GRXCR1: variants seen among roughly 807,000 people sequenced by gnomAD.
GRXCR1 encodes glutaredoxin domain-containing cysteine-rich protein 1.
A neutral mutation model predicts 27.3 loss-of-function variants in GRXCR1; 27 were observed. The observed-to-expected ratio is 0.99, with a 90% CI of 0.73 to 1.37. GRXCR1 has a LOEUF of 1.37. Ranked by LOEUF, GRXCR1 falls within the 40% of genes most tolerant of loss-of-function variation. The pLI is 0.00. For synonymous variants in GRXCR1, 122 were observed against 131.1 expected (o/e 0.93, Z 0.47); for missense variants, 379 against 354.4 (o/e 1.07, Z -0.56).
intron 2 of GRXCR1, among the ~76,000 whole-genome samples, chr4:42,972,771 A>G (rs889382937): frequency 3.3e-5 from 5 of 152,108 alleles, no homozygotes; most frequent in African/African-American, 1.2e-4. Flanking sequence ...CCATGATTCA[A>G]ATTTAGGTGT....
chr4:42,973,972 G>T (rs566202532), intron 2 of GRXCR1, among the ~76,000 whole-genome samples: 2 of 152,194 alleles, frequency 1.3e-5, no homozygotes, highest in East Asian at 3.9e-4. Context: ...CAAACAAATT[G>T]GTGGCTATCT....
intron 2 of GRXCR1, among the ~76,000 whole-genome samples, chr4:43,012,374 A>T (rs1712781334): frequency 6.6e-6 from 1 of 152,216 alleles, no homozygotes; most frequent in Admixed American, 6.5e-5. Flanking sequence ...TCATATATTA[A>T]GCCCAACTAC....
chr4:43,011,408 T>C (rs1267689292), intron 2 of GRXCR1, among the ~76,000 whole-genome samples: 1 of 152,094 alleles, frequency 6.6e-6, no homozygotes, highest in Non-Finnish European at 1.5e-5. Flanking sequence ...TCCTGAGGCA[T>C]AGTTTTGGCA....
intron 1 of GRXCR1, among the ~76,000 whole-genome samples, chr4:42,916,042 C>T (rs936367428): frequency 2.8e-5 from 4 of 145,174 alleles, no homozygotes; most frequent in African/African-American, 1.0e-4. Flanking sequence ...AAGAATAGAA[C>T]AAAAAATTCC....
chr4:43,000,391 G>A (rs1384255271), intron 2 of GRXCR1, among the ~76,000 whole-genome samples: 1 of 150,082 alleles, frequency 6.7e-6, no homozygotes. Context: ...CAGAAGAATC[G>A]CTTGAACCAG....
chr4:42,924,575 T>C (rs1434143313), intron 1 of GRXCR1, among the ~76,000 whole-genome samples: 1 of 152,074 alleles, frequency 6.6e-6, no homozygotes, highest in East Asian at 1.9e-4. Flanking sequence ...CTCCCTTTCT[T>C]CTTTACTTCT....
chr4:42,993,751 GT>G (rs1712054223), intron 2 of GRXCR1, among the ~76,000 whole-genome samples: 1 of 152,000 alleles, frequency 6.6e-6, no homozygotes, highest in South Asian at 2.1e-4. Flanking sequence ...CCACAGAAAA[GT>G]CAAAAAATTG....
At chr4:42,987,222 T>TATA (rs369022273) in intron 2 of GRXCR1, among the ~76,000 whole-genome samples, 3 of 100,594 alleles carry the variant, frequency 3.0e-5, no homozygotes, top group South Asian at 3.2e-4. Flanking sequence ...TATATATATA[T>TATA]TATATATTAT....
intron 2 of GRXCR1, among the ~76,000 whole-genome samples, chr4:42,977,023 A>G (rs934498039): frequency 2.0e-5 from 3 of 151,966 alleles, no homozygotes; most frequent in Non-Finnish European, 4.4e-5. Context: ...TACTTTTATA[A>G]GTTCAACTTT....
At chr4:42,919,264 A>C (rs924386953) in intron 1 of GRXCR1, among the ~76,000 whole-genome samples, 4 of 152,052 alleles carry the variant, frequency 2.6e-5, no homozygotes, top group African/African-American at 9.7e-5. Context: ...ACTCGTCTTT[A>C]TTATGTCCCT....
At chr4:42,979,076 TC>T in intron 2 of GRXCR1, among the ~76,000 whole-genome samples, 1 of 128,600 alleles carries the variant, frequency 7.8e-6, no homozygotes, top group African/African-American at 3.2e-5. Context: ...CAATCAAACC[TC>T]TCTCTCCTTT....
intron 1 of GRXCR1, among the ~76,000 whole-genome samples, chr4:42,917,503 C>T (rs1237126831): frequency 1.3e-5 from 2 of 152,148 alleles, no homozygotes; most frequent in Non-Finnish European, 2.9e-5. Context: ...GAGAGGACTT[C>T]ACTGGCAGCG....
At chr4:42,989,193 G>C (rs1256537827) in intron 2 of GRXCR1, among the ~76,000 whole-genome samples, 1 of 152,184 alleles carries the variant, frequency 6.6e-6, no homozygotes, top group Non-Finnish European at 1.5e-5. Flanking sequence ...TTAAATAATA[G>C]TTTTGGAGGC....
chr4:42,926,492 C>CTT (rs376881585), intron 1 of GRXCR1, among the ~76,000 whole-genome samples: 1 of 142,572 alleles, frequency 7.0e-6, no homozygotes, highest in Non-Finnish European at 1.6e-5. Flanking sequence ...TTTGGGAATA[C>CTT]TGTTTTTTTT....
chr4:43,016,035 T>C (rs1424764408), intron 2 of GRXCR1, among the ~76,000 whole-genome samples: 2 of 152,198 alleles, frequency 1.3e-5, no homozygotes, highest in East Asian at 3.8e-4. Context: ...GTTTTCTTTT[T>C]TGATAATAGT....
At chr4:42,938,717 A>G (rs931890564) in intron 1 of GRXCR1, among the ~76,000 whole-genome samples, 1 of 151,992 alleles carries the variant, frequency 6.6e-6, no homozygotes, top group Admixed American at 6.6e-5. Context: ...ATTCTTCTGC[A>G]TATGGATATT....
chr4:42,999,845 G>T lies in GRXCR1; in HGVS notation c.628-20509G>T, dbSNP rs563754284. Among the ~76,000 whole-genome samples, 5 of 152,294 alleles carry T rather than the reference G, an allele frequency of 3.3e-5. No homozygotes were observed. In the South Asian group the frequency reaches 1.0e-3, roughly 32 times the overall value. On this transcript the variant is annotated intron_variant, in intron 2 of 3. Transcript: ENST00000399770. ...CAATTGTTTGTATGCATCGGTAAAAGACAATAAACCTACTAAATTCCTAAG... is the reference window on the plus strand; with the variant it reads ...CAATTGTTTGTATGCATCGGTAAAATACAATAAACCTACTAAATTCCTAAG...
intron 3 of GRXCR1, among the ~76,000 whole-genome samples, chr4:43,029,158 C>A (rs1425041485): frequency 1.3e-5 from 2 of 152,096 alleles, no homozygotes; most frequent in Non-Finnish European, 2.9e-5. Flanking sequence ...ATATTATTGA[C>A]TCGATAAAAA....
At chr4:42,921,736 C>T (rs993637067) in intron 1 of GRXCR1, among the ~76,000 whole-genome samples, 9 of 152,048 alleles carry the variant, frequency 5.9e-5, no homozygotes, top group African/African-American at 2.2e-4. Context: ...CATAATGATA[C>T]CAGAATGTTC....
Sources: allele counts gnomAD v4.1 joint callset (sites outside exome capture counted in the v4.1 genomes callset), GRCh38; gene constraint gnomAD v4.1.1; transcripts MANE v1.5; gene names NCBI Gene and HGNC (gene_info 2026-07-23, HGNC 2026-07-21).